The following CEP89 variants were observed in gnomAD, a reference collection of about 807,000 sequenced individuals.
The protein encoded by CEP89 is centrosomal protein of 89 kDa.
A neutral mutation model predicts 97.6 loss-of-function variants in CEP89; 95 were observed. The observed-to-expected ratio is 0.97, with a 90% CI of 0.82 to 1.15. The LOEUF (loss-of-function observed/expected upper bound fraction) is 1.15. Among genes scored for constraint, CEP89 ranks in the 50% most tolerant of loss-of-function variants. The probability of loss-of-function intolerance (pLI) is 0.00; values close to 1 mark genes in which losing one functional copy is unlikely to be tolerated. For synonymous variants in CEP89, 354 were observed against 349.1 expected (o/e 1.01, Z -0.16); for missense variants, 869 against 947.7 (o/e 0.92, Z 1.09).
At chr19:32,887,967 C>G in intron 16 of CEP89, 126 bp from the exon 17 acceptor site, 1 of 649,208 alleles carries the variant, frequency 1.5e-6, no homozygotes, top group South Asian at 1.9e-5. Flanking sequence ...CCTGCCTCAA[C>G]CCCTTCCCCA....
At chr19:32,945,871 T>A (rs1970787054) in intron 5 of CEP89, among the ~76,000 whole-genome samples, 2 of 152,112 alleles carry the variant, frequency 1.3e-5, no homozygotes, top group South Asian at 4.1e-4. Flanking sequence ...TGGCCCCCTA[T>A]CCCAGTGAGT....
chr19:32,897,863 G>C (rs1364852475), intron 16 of CEP89, among the ~76,000 whole-genome samples: 1 of 152,120 alleles, frequency 6.6e-6, no homozygotes, highest in African/African-American at 2.4e-5. Flanking sequence ...TGCCTGGCCT[G>C]AAATTTTACT....
chr19:32,951,566 C>CACACACAA (rs1555794438), intron 4 of CEP89, among the ~76,000 whole-genome samples: 19 of 150,486 alleles, frequency 1.3e-4, no homozygotes, highest in Non-Finnish European at 2.5e-4. Context: ...CACACACACA[C>CACACACAA]GCACACTACT....
chr19:32,920,615 C>A (rs982973361), intron 12 of CEP89, among the ~76,000 whole-genome samples: 1 of 152,034 alleles, frequency 6.6e-6, no homozygotes, highest in Non-Finnish European at 1.5e-5. Flanking sequence ...TCCTGAGTAG[C>A]TGGGATTACA....
chr19:32,933,811 A>G (rs1019008837), intron 7 of CEP89, 142 bp from the exon 8 acceptor site: 15 of 648,220 alleles, frequency 2.3e-5, no homozygotes, highest in Non-Finnish European at 3.5e-5. Context: ...CTTCTACAGG[A>G]AACAGTAAGT....
At chr19:32,931,360 A>G in intron 9 of CEP89, 69 bp downstream of exon 9, 1 of 1,351,424 alleles carries the variant, frequency 7.4e-7, no homozygotes, top group Non-Finnish European at 1.0e-6. Flanking sequence ...ACCTCTCAAG[A>G]TTGGAAATCA....
rs1398283072 is a variant in CEP89 at position 32,882,016 on chromosome 19, G to GTA, written c.1966-4_1966-3insTA. The GTA allele has an allele frequency of 3.2e-6, 5 of 1,561,684 alleles. No homozygotes were observed. The Admixed American group carries it at 7.6e-5, about 24-fold the overall frequency. ...AGTGCTGCCTGCTTCTTGTAGCCCTGGTCGGGGGAAGGACTCTGTGAATGA... is the reference window on the plus strand; with the variant it reads ...AGTGCTGCCTGCTTCTTGTAGCCCTGTAGTCGGGGGAAGGACTCTGTGAATGA... On this transcript the variant is annotated splice_region_variant and splice_polypyrimidine_tract_variant and intron_variant, in intron 17 of 18. Transcript: ENST00000305768.
chr19:32,917,818 G>A, intron 13 of CEP89: 3 of 984,740 alleles, frequency 3.0e-6, no homozygotes, highest in Non-Finnish European at 3.6e-6. Context: ...AGCTCTGAAG[G>A]AAGGAAGGAC....
intron 1 of CEP89, among the ~76,000 whole-genome samples, 187 bp from the exon 2 acceptor site, chr19:32,966,653 A>G (rs1181516777): frequency 1.3e-5 from 2 of 152,078 alleles, no homozygotes; most frequent in Non-Finnish European, 2.9e-5. Flanking sequence ...CACACAGCCA[A>G]GGAGCATCAT....
At chr19:32,891,623 G>GA (rs1373201301) in intron 16 of CEP89, among the ~76,000 whole-genome samples, 1 of 151,824 alleles carries the variant, frequency 6.6e-6, no homozygotes, top group African/African-American at 2.4e-5. Context: ...AAAGAAATCA[G>GA]AAAAACAATT....
chr19:32,961,820 T>C (rs1257905692), intron 2 of CEP89, among the ~76,000 whole-genome samples: 1 of 151,746 alleles, frequency 6.6e-6, no homozygotes, highest in African/African-American at 2.4e-5. Flanking sequence ...ATTTTTATAT[T>C]TTTTGTAGAG....
chr19:32,966,456 A>G lies in CEP89; in HGVS notation c.50T>C (p.Ile17Thr), dbSNP rs759907657. Residue 17 changes from isoleucine (I) to threonine (T), a missense_variant, in exon 2 of 19, where the codon ATC becomes ACC. Ile to Thr is a moderately conservative substitution (Grantham distance 89, BLOSUM62 -1). Transcript: ENST00000305768. ...RGRRSHFKHI[I>T]HGLLPAASVA... ...GCTGGCTGCAGGTAAAAGGCCATGG[A>G]TGATGTGTTTCTGCACAAATGAAAT... The G allele has an allele frequency of 7.1e-6, 11 of 1,542,080 alleles. No individual in the cohort carries two copies. In the South Asian group the frequency reaches 1.2e-4, roughly 17 times the overall value.
intron 18 of CEP89, among the ~76,000 whole-genome samples, chr19:32,881,484 C>T (rs534606795): frequency 7.9e-5 from 12 of 152,080 alleles, no homozygotes; most frequent in African/African-American, 9.6e-5. Flanking sequence ...GAGCCGAGAT[C>T]GTGCCACTGC....
chr19:32,909,692 TATTTG>T (rs1969958846), intron 14 of CEP89, among the ~76,000 whole-genome samples: 1 of 152,180 alleles, frequency 6.6e-6, no homozygotes, highest in Non-Finnish European at 1.5e-5. Flanking sequence ...CTGAAAGATA[TATTTG>T]AGGAATCTCT....
chr19:32,916,681 T>C (rs749468858), intron 13 of CEP89, among the ~76,000 whole-genome samples: 1 of 152,328 alleles, frequency 6.6e-6, no homozygotes, highest in Admixed American at 6.5e-5. Flanking sequence ...GTATTTATTA[T>C]AGCATAAAAC....
chr19:32,923,841 T>C (rs1259829867), intron 11 of CEP89, among the ~76,000 whole-genome samples: 1 of 152,150 alleles, frequency 6.6e-6, no homozygotes, highest in Non-Finnish European at 1.5e-5. Context: ...CGAATACTGA[T>C]AGAAAAGGCA....
intron 12 of CEP89, among the ~76,000 whole-genome samples, chr19:32,922,244 G>A (rs1970264482): frequency 6.6e-6 from 1 of 152,138 alleles, no homozygotes; most frequent in African/African-American, 2.4e-5. Context: ...GGCTACATCA[G>A]AACCGGAGAC....
intron 16 of CEP89, among the ~76,000 whole-genome samples, chr19:32,898,902 G>T (rs966503607): frequency 1.4e-3 from 139 of 100,892 alleles, no homozygotes; most frequent in Middle Eastern, 5.6e-3. Flanking sequence ...AAAAAAAAAA[G>T]ATAAATGCTT....
At chr19:32,926,369 G>T in intron 10 of CEP89, 96 bp from the exon 11 acceptor site, 1 of 850,062 alleles carries the variant, frequency 1.2e-6, no homozygotes, top group Non-Finnish European at 1.9e-6. Context: ...TTTTTGAAAT[G>T]GTTTCTTTGG....
Sources: gnomAD v4.1 joint callset for allele counts (sites outside exome capture counted in the v4.1 genomes callset) on GRCh38, gnomAD v4.1.1 for gene constraint, MANE v1.5 for transcripts, NCBI Gene and HGNC (gene_info 2026-07-23, HGNC 2026-07-21) for gene names.